COL18A1: variants seen among roughly 807,000 people sequenced by gnomAD.
The protein encoded by COL18A1 is collagen alpha-1(XVIII) chain.
In COL18A1, 133 loss-of-function variants were observed where a neutral mutation model predicts 168.0. That is an observed-to-expected ratio of 0.79 (90% confidence interval 0.69 to 0.91). The LOEUF is 0.91. Ranked by LOEUF, COL18A1 falls within the 40% of genes least tolerant of loss-of-function variation. The pLI, the probability that COL18A1 is intolerant of heterozygous loss-of-function variation, is 0.00. For synonymous variants in COL18A1, 949 were observed against 809.0 expected (o/e 1.17, Z -2.94); for missense variants, 2,126 against 1,925.4 (o/e 1.10, Z -1.95).
At chr21:45,465,386 T>C (rs902274075) in intron 2 of COL18A1, among the ~76,000 whole-genome samples, 5 of 152,174 alleles carry the variant, frequency 3.3e-5, no homozygotes, top group African/African-American at 1.2e-4. Flanking sequence ...TAGCCTTCCG[T>C]GGGGGCTCTG....
intron 19 of COL18A1, among the ~76,000 whole-genome samples, chr21:45,489,849 GCCTCCCCCACTTGCCCCTCCCCCACACCT>G (rs1568920094): frequency 9.6e-5 from 2 of 20,882 alleles, no homozygotes; most frequent in African/African-American, 2.3e-4. Flanking sequence ...CCCCCACACT[GCCTCCCCCACTTGCCCCTCCCCCACACCT>G]CCTCCCCGAC....
chr21:45,437,350 T>A (rs1177272249), intron 2 of COL18A1, among the ~76,000 whole-genome samples: 1 of 56,740 alleles, frequency 1.8e-5, no homozygotes, highest in Non-Finnish European at 3.0e-5. Flanking sequence ...ACACAGGCAC[T>A]CTCCTGCGCA....
intron 2 of COL18A1, chr21:45,455,728 C>A (rs1348140851): frequency 6.2e-7 from 1 of 1,613,830 alleles, no homozygotes; most frequent in Non-Finnish European, 8.5e-7. Context: ...ACGTGACCCC[C>A]CGGAATGGTT....
intron 2 of COL18A1, among the ~76,000 whole-genome samples, chr21:45,432,633 G>C (rs943311644): frequency 2.6e-5 from 4 of 152,244 alleles, no homozygotes; most frequent in African/African-American, 9.6e-5. Context: ...CATACTGCTG[G>C]GGTCAGAGCG....
intron 2 of COL18A1, among the ~76,000 whole-genome samples, chr21:45,432,145 G>A (rs1228894468): frequency 4.6e-5 from 7 of 152,228 alleles, no homozygotes; most frequent in Non-Finnish European, 5.9e-5. Context: ...CCAGAGCACA[G>A]ACTGGAACAA....
chr21:45,438,966 G>A (rs2034294566), intron 2 of COL18A1, among the ~76,000 whole-genome samples: 1 of 152,156 alleles, frequency 6.6e-6, no homozygotes, highest in African/African-American at 2.4e-5. Context: ...GATGGATACC[G>A]AAAGCCACAG....
intron 2 of COL18A1, among the ~76,000 whole-genome samples, chr21:45,419,460 T>C (rs35387814): frequency 0.82 from 124,936 of 152,228 alleles, 51,818 homozygotes; most frequent in African/African-American, 0.94. Flanking sequence ...GGCTTGGGTC[T>C]GGCTTCCTGG....
At chr21:45,474,051 C>A in intron 4 of COL18A1, 70 bp downstream of exon 4, 1 of 1,273,718 alleles carries the variant, frequency 7.9e-7, no homozygotes, top group Non-Finnish European at 1.1e-6. Flanking sequence ...GGGCCAAGGT[C>A]TATGACAGGA....
intron 2 of COL18A1, among the ~76,000 whole-genome samples, chr21:45,439,850 AGTCCATTACAGTCTCCG>A (rs1246308409): frequency 1.3e-5 from 2 of 152,258 alleles, no homozygotes; most frequent in African/African-American, 4.8e-5. Flanking sequence ...GAGCCTGTGA[AGTCCATTACAGTCTCCG>A]GCTGTGAATG....
chr21:45,496,991 G>T (rs2036565208), intron 30 of COL18A1, 59 bp from the exon 31 acceptor site: 1 of 1,214,548 alleles, frequency 8.2e-7, no homozygotes, highest in Non-Finnish European at 1.2e-6. Flanking sequence ...CCCCTGAGTG[G>T]TGGTGGCCTC....
At chr21:45,496,962 G>T (rs1210849008) in intron 30 of COL18A1, 88 bp from the exon 31 acceptor site, 37 of 859,670 alleles carry the variant, frequency 4.3e-5, no homozygotes, top group Non-Finnish European at 4.8e-5. Flanking sequence ...ACAGGGGCTG[G>T]TGCTTCTGGG....
chr21:45,445,757 A>C (rs1246305761), intron 2 of COL18A1, among the ~76,000 whole-genome samples: 2 of 152,018 alleles, frequency 1.3e-5, no homozygotes, highest in African/African-American at 4.8e-5. Context: ...TTCTTTGGAG[A>C]AATGTCTATT....
At chr21:45,480,349 T>C (rs1373795159) in intron 11 of COL18A1, 118 bp from the exon 12 acceptor site, 1 of 1,578,748 alleles carries the variant, frequency 6.3e-7, no homozygotes, top group Non-Finnish European at 8.6e-7. Context: ...AGAGGGGCCG[T>C]GGTTTCTCAG....
chr21:45,437,531 C>G (rs867141443), intron 2 of COL18A1, among the ~76,000 whole-genome samples: 4 of 68,724 alleles, frequency 5.8e-5, no homozygotes, highest in African/African-American at 1.6e-4. Context: ...CACTCAGACA[C>G]ACAGGCACTC....
chr21:45,441,806 C>G (rs1352656793), intron 2 of COL18A1, among the ~76,000 whole-genome samples: 1 of 152,236 alleles, frequency 6.6e-6, no homozygotes, highest in Non-Finnish European at 1.5e-5. Context: ...AGAAAATGTC[C>G]CATGTCCTTA....
rs1371764806 is a variant in COL18A1 at position 45,481,943 on chromosome 21, T to G, written c.1612-20T>G. 1.9e-6 allele frequency: 3 copies of G among 1,593,768 alleles called. No individual in the cohort carries two copies. Among genetic ancestry groups the G allele is most frequent in the Non-Finnish European group, 2.6e-6 (3 of 1,161,802 alleles). On this transcript the variant is annotated intron_variant, in intron 13 of 41. Coordinates refer to ENST00000651438, the MANE Select transcript of COL18A1 (RefSeq NM_001379500.1). ...GTGGCCGAATGCCATCAAGACCCAC[T>G]ATGCTCTGCTCTCCCCCAGGGACCC...
Position 45,504,375 on chromosome 21 carries a change from G to A in COL18A1, c.2728-41G>A, listed in dbSNP as rs1321308344. ...GATGGGAGGCCACCTGTGGCTTGTA[G>A]GGGTTCAGGGCTCCCGTGTAACAAG... On this transcript the variant is annotated intron_variant, in intron 33 of 41. Coordinates refer to ENST00000651438, the MANE Select transcript of COL18A1 (RefSeq NM_001379500.1). The A allele has an allele frequency of 2.5e-6, 4 of 1,596,034 alleles. No homozygotes were observed. The South Asian group carries it at 3.4e-5, about 13-fold the overall frequency.
intron 2 of COL18A1, among the ~76,000 whole-genome samples, chr21:45,413,676 C>T (rs565539057): frequency 3.3e-5 from 5 of 152,344 alleles, no homozygotes; most frequent in South Asian, 2.1e-4. Flanking sequence ...CCATGGATCC[C>T]GTCCACGCTA....
At position 45,509,609 on chromosome 21, in the gene COL18A1, C is replaced by G. The variant is rs1301558543; in HGVS notation, c.3495+8C>G. Reference sequence around the variant, plus strand: ...CGCGACTTCCAGCCGGTGGTGAGTGCCCCCCCAAAGTGGGCTTGGCTCCAT... The same window carrying G: ...CGCGACTTCCAGCCGGTGGTGAGTGGCCCCCCAAAGTGGGCTTGGCTCCAT... On this transcript the variant is annotated splice_region_variant and intron_variant, in intron 39 of 41. Coordinates refer to ENST00000651438, the MANE Select transcript of COL18A1 (RefSeq NM_001379500.1). 1 of 446,042 alleles carries G rather than the reference C, an allele frequency of 2.2e-6. No homozygotes were observed. The highest frequency in any genetic ancestry group is 4.7e-5 in the South Asian group (1 of 21,200). 27.6% of individuals were successfully genotyped at this position (446,042 alleles called of 1,614,324 possible). A position where few individuals can be genotyped will look rare whatever the true frequency, so the allele number is the denominator to read the frequency against.
Sources: gnomAD v4.1 joint callset for allele counts (sites outside exome capture counted in the v4.1 genomes callset) on GRCh38, gnomAD v4.1.1 for gene constraint, MANE v1.5 for transcripts, NCBI Gene and HGNC (gene_info 2026-07-23, HGNC 2026-07-21) for gene names.